Variants in MED12L observed in about 807,000 individuals in gnomAD.
MED12L encodes the protein mediator of RNA polymerase II transcription subunit 12-like protein.
In MED12L, 60 loss-of-function variants were observed where a neutral mutation model predicts 281.3. That is an observed-to-expected ratio of 0.21 (90% CI 0.17 to 0.26). The LOEUF is 0.26. MED12L is among the 10% of genes least tolerant of loss of function. The pLI is 1.00. For synonymous variants in MED12L, 974 were observed against 987.2 expected (o/e 0.99, Z 0.25); for missense variants, 2,146 against 2,680.9 (o/e 0.80, Z 4.41).
Position 151,160,091 on chromosome 3 carries a change from G to A in MED12L, c.1097G>A (p.Cys366Tyr), listed in dbSNP as rs781244798. Residue 366 changes from cysteine to tyrosine, a missense_variant, in exon 8 of 45, where the codon TGT becomes TAT. Physicochemically the swap from Cys to Tyr is radical, Grantham distance 194. This residue lies in a region of MED12L where 722 missense variants were observed against 861.2 expected (regional missense o/e 0.84). Transcript: ENST00000687756. ...GGTCCCCTGGTTTATGGACTTAGTT[G>A]TATGTTGCAGGTAAGTCCTTGGCCC... ...QHGPLVYGLS[C>Y]MLQTVTLCCP... The A allele has an allele frequency of 6.3e-7, 1 of 1,596,804 alleles. No homozygotes were observed. Among genetic ancestry groups the A allele is most frequent in the African/African-American group, 1.4e-5 (1 of 74,030 alleles).
intron 39 of MED12L, among the ~76,000 whole-genome samples, chr3:151,400,567 G>C (rs1185503233): frequency 6.6e-6 from 1 of 152,182 alleles, no homozygotes; most frequent in Non-Finnish European, 1.5e-5. Context: ...CCCATCATTT[G>C]TGTATCCAAA....
chr3:151,416,204 T>C, intron 42 of MED12L, 108 bp from the exon 43 acceptor site: 1 of 1,591,974 alleles, frequency 6.3e-7, no homozygotes, highest in Non-Finnish European at 8.6e-7. Flanking sequence ...GTATATATTG[T>C]TTTTACTACA....
chr3:151,183,115 A>ATT (rs35693948), intron 11 of MED12L, among the ~76,000 whole-genome samples: 13 of 151,852 alleles, frequency 8.6e-5, no homozygotes, highest in South Asian at 4.2e-4. Flanking sequence ...CCCAATTTAC[A>ATT]TTTTTTTCCC....
At chr3:151,097,403 C>T (rs1720853701) in intron 2 of MED12L, among the ~76,000 whole-genome samples, 1 of 152,222 alleles carries the variant, frequency 6.6e-6, no homozygotes, top group South Asian at 2.1e-4. Flanking sequence ...CAGCAAATGA[C>T]TGAGCACCTT....
chr3:151,355,068 G>T (rs1753743717), intron 17 of MED12L, 53 bp from the exon 18 acceptor site: 2 of 1,321,258 alleles, frequency 1.5e-6, no homozygotes, highest in African/African-American at 2.9e-5. Flanking sequence ...CATTAAAAAT[G>T]TCGAGAGCTT....
intron 42 of MED12L, among the ~76,000 whole-genome samples, 165 bp from the exon 43 acceptor site, chr3:151,416,147 C>T (rs1163346212): frequency 1.3e-5 from 2 of 152,112 alleles, no homozygotes; most frequent in Non-Finnish European, 2.9e-5. Context: ...AGGTCTTGCC[C>T]TCAAAAGGAC....
chr3:151,386,399 A>T (rs915063643), intron 36 of MED12L, among the ~76,000 whole-genome samples: 15 of 151,934 alleles, frequency 9.9e-5, no homozygotes, highest in Non-Finnish European at 1.5e-4. Flanking sequence ...TTGTTTATTT[A>T]TATTTTTTGA....
At chr3:151,377,262 T>C in intron 30 of MED12L, 84 bp downstream of exon 30, 2 of 1,099,410 alleles carry the variant, frequency 1.8e-6, no homozygotes, top group Middle Eastern at 2.1e-4. Flanking sequence ...GATTTTTCTT[T>C]AAGTCATAGG....
At chr3:151,115,172 A>T (rs1164154393) in intron 2 of MED12L, among the ~76,000 whole-genome samples, 1 of 152,146 alleles carries the variant, frequency 6.6e-6, no homozygotes, top group African/African-American at 2.4e-5. Context: ...GGCTGTAATC[A>T]TAAGGCGTGT....
intron 43 of MED12L, among the ~76,000 whole-genome samples, chr3:151,421,794 A>G (rs1718282877): frequency 6.6e-6 from 1 of 152,078 alleles, no homozygotes; most frequent in Non-Finnish European, 1.5e-5. Context: ...TATTATAAAT[A>G]TATTTATTTA....
intron 17 of MED12L, among the ~76,000 whole-genome samples, chr3:151,350,491 A>G (rs1040735847): frequency 1.6e-4 from 25 of 152,062 alleles, no homozygotes; most frequent in Non-Finnish European, 2.8e-4. Context: ...TTTTTGGTAT[A>G]CTTCTCAAAT....
At chr3:151,330,426 T>C (rs1284637609) in intron 16 of MED12L, among the ~76,000 whole-genome samples, 1 of 152,224 alleles carries the variant, frequency 6.6e-6, no homozygotes, top group African/African-American at 2.4e-5. Context: ...GTGCATTTTT[T>C]TTGCTTTAAT....
At chr3:151,120,043 A>G (rs1018509272) in intron 3 of MED12L, among the ~76,000 whole-genome samples, 1 of 148,890 alleles carries the variant, frequency 6.7e-6, no homozygotes, top group Non-Finnish European at 1.5e-5. Context: ...ACACGGTGAA[A>G]CCCTGTCTCT....
rs547819606 is a variant in MED12L at position 151,358,492 on chromosome 3, T to A, written c.2825+1116T>A. On this transcript the variant is annotated intron_variant, in intron 20 of 44. Coordinates refer to ENST00000687756, the MANE Select transcript of MED12L (RefSeq NM_001393769.1). ...GCTTATTCATGCTGTTTAATCTATGTTCTACTTTTAAAATAGTATATTGAA... is the reference window on the plus strand; with the variant it reads ...GCTTATTCATGCTGTTTAATCTATGATCTACTTTTAAAATAGTATATTGAA... 1.4e-4 allele frequency among the ~76,000 whole-genome samples: 22 copies of A among 152,304 alleles called. 1 individual carries two copies. The South Asian group carries it at 4.4e-3, about 30-fold the overall frequency.
intron 16 of MED12L, chr3:151,213,583 C>T (rs1272608960): frequency 1.2e-6 from 2 of 1,614,008 alleles, no homozygotes; most frequent in Non-Finnish European, 1.7e-6. Context: ...AGGTACAAAA[C>T]AGACAAAAAA....
At position 151,378,276 on chromosome 3, in the gene MED12L, A is replaced by T. The variant is rs978280079; in HGVS notation, c.4478+103A>T. 8 of 1,210,486 alleles carry T rather than the reference A, an allele frequency of 6.6e-6. No homozygotes were observed. In the African/African-American group the frequency reaches 1.2e-4, roughly 19 times the overall value. 75.0% of individuals were successfully genotyped at this position (1,210,486 alleles called of 1,614,324 possible). ...GTCACTGTACCCACAGTCCACTGAAATTTAGTTTTTAAATGGAACTGGGAA... is the reference window on the plus strand; with the variant it reads ...GTCACTGTACCCACAGTCCACTGAATTTTAGTTTTTAAATGGAACTGGGAA... On this transcript the variant is annotated intron_variant, in intron 31 of 44. Coordinates refer to ENST00000687756, the MANE Select transcript of MED12L (RefSeq NM_001393769.1).
intron 16 of MED12L, chr3:151,248,808 T>G (rs1382816764): frequency 6.6e-6 from 1 of 152,160 alleles, no homozygotes; most frequent in Non-Finnish European, 1.5e-5. Context: ...CATTTTACAT[T>G]GTAATCACAA....
rs529552331 is a variant in MED12L, at chr3:151,392,554, T to G, written c.5609-2102T>G. Among the ~76,000 whole-genome samples, 21 of 152,026 alleles carry G rather than the reference T, an allele frequency of 1.4e-4. No homozygotes were observed. In the South Asian group the frequency reaches 3.9e-3, roughly 29 times the overall value. ...TTTTGAGGATTTATATGAGCAAATT[T>G]ATTTTCATTTAAACAAGCACAATCT... On this transcript the variant is annotated intron_variant, in intron 38 of 44. Transcript: ENST00000687756.
intron 2 of MED12L, among the ~76,000 whole-genome samples, chr3:151,091,055 A>G (rs1719979810): frequency 6.6e-6 from 1 of 152,086 alleles, no homozygotes; most frequent in Admixed American, 6.5e-5. Context: ...ACAAAACAAA[A>G]CAACAACAAC....
Sources: gnomAD v4.1 joint callset for allele counts (sites outside exome capture counted in the v4.1 genomes callset) on GRCh38, gnomAD v4.1.1 for gene constraint, gnomAD v4.1.1 regional missense constraint, MANE v1.5 for transcripts, NCBI Gene and HGNC (gene_info 2026-07-23, HGNC 2026-07-21) for gene names.